The following TMEM232 variants were observed in gnomAD, a reference collection of about 807,000 sequenced individuals.
The protein encoded by TMEM232 is transmembrane protein 232.
A neutral mutation model predicts 78.8 loss-of-function variants in TMEM232; 80 were observed. The observed-to-expected ratio is 1.01, with a 90% CI of 0.85 to 1.22. The LOEUF (loss-of-function observed/expected upper bound fraction) is 1.22, where lower values mean the gene tolerates loss of function less well. TMEM232 is among the 50% of genes most tolerant of loss of function. TMEM232 has a pLI of 0.00. For synonymous variants in TMEM232, 297 were observed against 254.3 expected (o/e 1.17, Z -1.60); for missense variants, 881 against 742.2 (o/e 1.19, Z -2.17).
chr5:110,522,337 C>CAT (rs1206968365), intron 12 of TMEM232, among the ~76,000 whole-genome samples: 1 of 152,084 alleles, frequency 6.6e-6, no homozygotes, highest in Non-Finnish European at 1.5e-5. Context: ...TCTAGGGTTA[C>CAT]ATATATATAA....
intron 12 of TMEM232, among the ~76,000 whole-genome samples, chr5:110,477,934 T>C (rs1426178654): frequency 6.6e-6 from 1 of 151,944 alleles, no homozygotes; most frequent in Non-Finnish European, 1.5e-5. Context: ...TTTATTTCAT[T>C]GACATCTCAA....
chr5:110,556,293 T>C (rs1481190744), intron 11 of TMEM232, among the ~76,000 whole-genome samples: 1 of 151,894 alleles, frequency 6.6e-6, no homozygotes, highest in Non-Finnish European at 1.5e-5. Flanking sequence ...TTCCTTCCCT[T>C]CCTTCTCCTC....
chr5:110,409,332 A>G (rs962246814), intron 2 of TMEM232, among the ~76,000 whole-genome samples: 2 of 152,220 alleles, frequency 1.3e-5, no homozygotes, highest in Non-Finnish European at 2.9e-5. Context: ...AACAATGCAC[A>G]CAACTCATGT....
intron 1 of TMEM232, among the ~76,000 whole-genome samples, chr5:110,669,330 C>T (rs545750065): frequency 1.6e-3 from 249 of 152,156 alleles, no homozygotes; most frequent in African/African-American, 5.8e-3. Flanking sequence ...TACAAACTAC[C>T]ATCAGAGAAT....
chr5:110,711,368 T>G lies in TMEM232; in HGVS notation c.-13+15259A>C, dbSNP rs180673004. Among the ~76,000 whole-genome samples, 230 of 152,210 alleles carry G rather than the reference T, an allele frequency of 1.5e-3. 1 individual carries two copies. The highest frequency in any genetic ancestry group is 5.4e-3 in the African/African-American group (225 of 41,520). ...ATCTACAGATTCAATGCAATCCCTA[T>G]CAAAATACCAATGAAATTCTTCAGA... On this transcript the variant is annotated intron_variant, in intron 1 of 13. Transcript: ENST00000455884.
At chr5:110,397,498 A>G (rs1012396867) in intron 3 of TMEM232, among the ~76,000 whole-genome samples, 1 of 152,174 alleles carries the variant, frequency 6.6e-6, no homozygotes, top group Non-Finnish European at 1.5e-5. Flanking sequence ...GCTGAAGTCT[A>G]TGAAAGATAA....
At chr5:110,438,745 A>G (rs796267251) in intron 12 of TMEM232, among the ~76,000 whole-genome samples, 1 of 152,188 alleles carries the variant, frequency 6.6e-6, no homozygotes, top group Admixed American at 6.5e-5. Flanking sequence ...TCAGTTCAAA[A>G]ACGACAGTTT....
intron 1 of TMEM232, among the ~76,000 whole-genome samples, chr5:110,705,066 T>C (rs2150290110): frequency 6.6e-6 from 1 of 152,282 alleles, no homozygotes; most frequent in African/African-American, 2.4e-5. Context: ...AAAAGCCTTT[T>C]GGCATATCCA....
chr5:110,675,996 T>C (rs1791977540), intron 1 of TMEM232, among the ~76,000 whole-genome samples: 1 of 152,220 alleles, frequency 6.6e-6, no homozygotes, highest in African/African-American at 2.4e-5. Context: ...TTTTAGATTC[T>C]ACGTATAAGT....
chr5:110,618,418 A>T lies in TMEM232; in HGVS notation c.902+11T>A, dbSNP rs1241656671. ...CCATGAGTTACTTTGGATTTATAGG[A>T]TCACTCTTACCAGCATTTCTTTTGA... On this transcript the variant is annotated intron_variant, in intron 8 of 13. Coordinates refer to ENST00000455884, the MANE Select transcript of TMEM232 (RefSeq NM_001039763.4). 9.7e-6 allele frequency: 15 copies of T among 1,548,898 alleles called. No individual in the cohort carries two copies. The highest frequency in any genetic ancestry group is 1.3e-5 in the Non-Finnish European group (15 of 1,146,234).
intron 10 of TMEM232, among the ~76,000 whole-genome samples, chr5:110,574,801 A>C (rs930601895): frequency 6.6e-6 from 1 of 152,120 alleles, no homozygotes; most frequent in Non-Finnish European, 1.5e-5. Flanking sequence ...ACTCTGCTCT[A>C]TGTACCTCTT....
intron 11 of TMEM232, among the ~76,000 whole-genome samples, chr5:110,536,022 T>C (rs1772297516): frequency 6.6e-6 from 1 of 152,234 alleles, no homozygotes; most frequent in South Asian, 2.1e-4. Flanking sequence ...AGACTGATCG[T>C]GGGTTAAGTC....
upstream of TMEM232, among the ~76,000 whole-genome samples, chr5:110,728,496 T>C (rs907327486): frequency 6.6e-6 from 1 of 151,736 alleles, no homozygotes; most frequent in Non-Finnish European, 1.5e-5. Context: ...TAATTTTAAA[T>C]AATTTTAAGA....
chr5:110,664,699 G>A (rs1420047692), intron 2 of TMEM232, among the ~76,000 whole-genome samples: 1 of 152,226 alleles, frequency 6.6e-6, no homozygotes, highest in Non-Finnish European at 1.5e-5. Context: ...GGTGAGGGCT[G>A]TGCTCTTGGC....
At chr5:110,733,340 T>C (rs1355966951) in intron 2 of TMEM232, among the ~76,000 whole-genome samples, 1 of 152,146 alleles carries the variant, frequency 6.6e-6, no homozygotes, top group Non-Finnish European at 1.5e-5. Flanking sequence ...ATCCCATTAC[T>C]AGGTATATAA....
intron 7 of TMEM232, among the ~76,000 whole-genome samples, chr5:110,618,839 T>C (rs188341991): frequency 1.7e-3 from 262 of 152,266 alleles, no homozygotes; most frequent in African/African-American, 5.8e-3. Flanking sequence ...ACATAAGGGA[T>C]AGCTATTAGA....
At chr5:110,721,941 CT>C (rs1381143669) in intron 1 of TMEM232, among the ~76,000 whole-genome samples, 1 of 151,586 alleles carries the variant, frequency 6.6e-6, no homozygotes, top group African/African-American at 2.4e-5. Context: ...GGCACTGCCC[CT>C]GATAGTTAGA....
chr5:110,393,256 G>C (rs1285686870), intron 3 of TMEM232, among the ~76,000 whole-genome samples: 1 of 152,198 alleles, frequency 6.6e-6, no homozygotes, highest in Non-Finnish European at 1.5e-5. Context: ...TGAGAGAAAA[G>C]TGTTGATGTA....
intron 11 of TMEM232, among the ~76,000 whole-genome samples, chr5:110,530,797 T>C (rs963331312): frequency 1.3e-5 from 2 of 152,326 alleles, no homozygotes; most frequent in East Asian, 1.9e-4. Flanking sequence ...ATGTACAACA[T>C]GGTGACTGTA....
Sources: gnomAD v4.1 joint callset for allele counts (sites outside exome capture counted in the v4.1 genomes callset) on GRCh38, gnomAD v4.1.1 for gene constraint, MANE v1.5 for transcripts, NCBI Gene and HGNC (gene_info 2026-07-23, HGNC 2026-07-21) for gene names.